Variants in UGT1A4 observed in about 807,000 individuals in gnomAD.
UGT1A4 encodes the protein UDP glucuronosyltransferase family 1 member A4.
UGT1A4 carries 32 observed loss-of-function variants against 41.1 expected under a neutral mutation model. That is an observed-to-expected ratio of 0.78 (90% CI 0.59 to 1.05). The LOEUF is 1.05. Ranked by LOEUF, UGT1A4 falls within the 50% of genes least tolerant of loss-of-function variation. UGT1A4 has a pLI of 0.00. For synonymous variants in UGT1A4, 283 were observed against 265.1 expected (o/e 1.07, Z -0.66); for missense variants, 748 against 677.4 (o/e 1.10, Z -1.16).
chr2:233,752,390 G>A (rs1694961532), intron 1 of UGT1A4: 2 of 152,134 alleles, frequency 1.3e-5, no homozygotes, highest in Admixed American at 1.3e-4. Flanking sequence ...TGCAACAGAG[G>A]AAATGCCCCT....
intron 1 of UGT1A4, chr2:233,744,153 G>A (rs1282239718): frequency 6.6e-6 from 2 of 302,660 alleles, no homozygotes; most frequent in Non-Finnish European, 1.3e-5. Flanking sequence ...TCCAAGACCA[G>A]GCCCCGCCCA....
Position 233,772,687 on chromosome 2 carries a change from A to G in UGT1A4, c.*128A>G. 2 of 1,493,882 alleles carry G rather than the reference A, an allele frequency of 1.3e-6. No homozygotes were observed. Among genetic ancestry groups the G allele is most frequent in the South Asian group, 2.6e-5 (2 of 76,070 alleles). The allele number at this position is 1,493,882 out of a possible 1,614,324, so 92.5% of individuals were successfully genotyped here. On this transcript the variant is annotated 3_prime_UTR_variant, in exon 5 of 5. Coordinates refer to ENST00000373409, the MANE Select transcript of UGT1A4 (RefSeq NM_007120.3). ...TACTTTGCATAAATTAATCAGCCCC[A>G]GAGTGCTTTAAAAAATTCTCTTAAA...
chr2:233,721,851 C>A, intron 1 of UGT1A4: 1 of 513,702 alleles, frequency 1.9e-6, no homozygotes, highest in South Asian at 1.4e-5. Context: ...TCCAGCCCCA[C>A]TGCTCGGCCC....
chr2:233,751,063 A>G (rs1291377665), intron 1 of UGT1A4, among the ~76,000 whole-genome samples: 4 of 152,012 alleles, frequency 2.6e-5, no homozygotes, highest in East Asian at 1.9e-4. Context: ...ACAGACACTC[A>G]ATGCCAGCCT....
intron 1 of UGT1A4, among the ~76,000 whole-genome samples, chr2:233,765,461 A>G (rs963338723): frequency 3.9e-5 from 6 of 152,204 alleles, no homozygotes; most frequent in Non-Finnish European, 8.8e-5. Flanking sequence ...TTGCAAGGAC[A>G]TGGATGAAGC....
At chr2:233,760,874 C>T in intron 1 of UGT1A4, 1 of 1,614,100 alleles carries the variant, frequency 6.2e-7, no homozygotes, top group Non-Finnish European at 8.5e-7. Flanking sequence ...GTGCCCAGGC[C>T]TCTCTCCTCT....
intron 1 of UGT1A4, among the ~76,000 whole-genome samples, chr2:233,753,838 G>A (rs1367023028): frequency 6.6e-6 from 1 of 152,204 alleles, no homozygotes; most frequent in African/African-American, 2.4e-5. Flanking sequence ...GACAGTCCTA[G>A]TATATCATTG....
At chr2:233,738,159 T>C (rs1033238809) in intron 1 of UGT1A4, among the ~76,000 whole-genome samples, 2 of 152,228 alleles carry the variant, frequency 1.3e-5, no homozygotes, top group African/African-American at 4.8e-5. Context: ...GCTATTCCTC[T>C]TTCTCTCTTT....
chr2:233,738,357 G>C (rs1375014777), intron 1 of UGT1A4, among the ~76,000 whole-genome samples: 1 of 152,206 alleles, frequency 6.6e-6, no homozygotes, highest in Non-Finnish European at 1.5e-5. Flanking sequence ...GGAGAGTGGG[G>C]TACTGCTATA....
At position 233,731,482 on chromosome 2, in the gene UGT1A4, G is replaced by T. The variant is rs562723642; in HGVS notation, c.867+11795G>T. Among the ~76,000 whole-genome samples the T allele has an allele frequency of 2.6e-5, 4 of 152,206 alleles. No individual in the cohort carries two copies. In the East Asian group the frequency reaches 7.7e-4, roughly 29 times the overall value. On this transcript the variant is annotated intron_variant, in intron 1 of 4. Transcript: ENST00000373409. ...CCTGGCGTGTGATGTTCCCTGGCCTGTGTCCAGTGTTCTTGCTGTTCAGTT... is the reference window on the plus strand; with the variant it reads ...CCTGGCGTGTGATGTTCCCTGGCCTTTGTCCAGTGTTCTTGCTGTTCAGTT...
chr2:233,760,558 T>G, intron 1 of UGT1A4: 1 of 1,614,006 alleles, frequency 6.2e-7, no homozygotes, highest in Non-Finnish European at 8.5e-7. Context: ...TGTGAAAGAG[T>G]CTTTTGTTAG....
rs542562674 is a variant in UGT1A4, at chr2:233,763,721, C to G, written c.868-3313C>G. 2.0e-5 allele frequency among the ~76,000 whole-genome samples: 3 copies of G among 152,262 alleles called. No homozygotes were observed. The South Asian group carries it at 6.2e-4, about 32-fold the overall frequency. On this transcript the variant is annotated intron_variant, in intron 1 of 4. Coordinates refer to ENST00000373409, the MANE Select transcript of UGT1A4 (RefSeq NM_007120.3). Reference sequence around the variant, plus strand: ...TGCACAAAGAAGTCCATAGAGAAAGCACAACCTGGCATTGGCGTGTCTTTG... The same window carrying G: ...TGCACAAAGAAGTCCATAGAGAAAGGACAACCTGGCATTGGCGTGTCTTTG...
chr2:233,734,198 C>T (rs930421172), intron 1 of UGT1A4, among the ~76,000 whole-genome samples: 6 of 152,124 alleles, frequency 3.9e-5, no homozygotes, highest in African/African-American at 1.2e-4. Context: ...GCCTCAATTT[C>T]AGAGCCTGTT....
chr2:233,729,958 G>A (rs2077960397), intron 1 of UGT1A4: 6 of 1,613,978 alleles, frequency 3.7e-6, no homozygotes, highest in Non-Finnish European at 5.1e-6. Context: ...CTTCATTGGG[G>A]GCATCAACTG....
At chr2:233,746,512 G>C (rs992094720) in intron 1 of UGT1A4, among the ~76,000 whole-genome samples, 1 of 151,736 alleles carries the variant, frequency 6.6e-6, no homozygotes, top group Non-Finnish European at 1.5e-5. Context: ...AGCCCCCAAA[G>C]CAAGACCATC....
At position 233,767,890 on chromosome 2, in the gene UGT1A4, G is replaced by C; in HGVS notation, c.1041G>C (p.Ala347=). The C allele has an allele frequency of 6.2e-7, 1 of 1,614,096 alleles. No individual in the cohort carries two copies. The highest frequency in any genetic ancestry group is 8.5e-7 in the Non-Finnish European group (1 of 1,180,038). Residue 347 remains alanine (A), a synonymous_variant, in exon 3 of 5, where the codon GCG becomes GCC. Coordinates refer to ENST00000373409, the MANE Select transcript of UGT1A4 (RefSeq NM_007120.3). The part of the protein sequence containing the change: ...RYTGTRPSNL[A]NNTILVKWLP... ...CTGGAACCCGACCATCGAATCTTGCGAACAACACGATACTTGTTAAGTGGC... is the reference window on the plus strand; with the variant it reads ...CTGGAACCCGACCATCGAATCTTGCCAACAACACGATACTTGTTAAGTGGC...
At chr2:233,749,908 A>G (rs1325539824) in intron 1 of UGT1A4, among the ~76,000 whole-genome samples, 1 of 151,938 alleles carries the variant, frequency 6.6e-6, no homozygotes, top group African/African-American at 2.4e-5. Flanking sequence ...AGCCACCTGG[A>G]ACTGTGAGTC....
chr2:233,738,299 G>A (rs1452652479), intron 1 of UGT1A4, among the ~76,000 whole-genome samples: 1 of 152,208 alleles, frequency 6.6e-6, no homozygotes, highest in Non-Finnish European at 1.5e-5. Flanking sequence ...TCTTGGGTAT[G>A]TCTTTATAGC....
intron 1 of UGT1A4, among the ~76,000 whole-genome samples, chr2:233,721,047 T>A (rs1167296961): frequency 6.6e-6 from 1 of 152,100 alleles, no homozygotes; most frequent in Non-Finnish European, 1.5e-5. Flanking sequence ...TTGAGCCCTT[T>A]TTTGTCATAT....
Sources: gnomAD v4.1 joint callset for allele counts (sites outside exome capture counted in the v4.1 genomes callset) on GRCh38, gnomAD v4.1.1 for gene constraint, MANE v1.5 for transcripts, NCBI Gene and HGNC (gene_info 2026-07-23, HGNC 2026-07-21) for gene names.